TTLL4: variants seen among roughly 807,000 people sequenced by gnomAD.
TTLL4 encodes the protein tubulin monoglutamylase TTLL4.
In TTLL4, 85 loss-of-function variants were observed where a neutral mutation model predicts 122.7. The ratio of observed to expected loss-of-function variants is 0.69; its 90% confidence interval spans 0.58 to 0.83. The LOEUF (loss-of-function observed/expected upper bound fraction) is 0.83, where lower values mean the gene tolerates loss of function less well. Ranked by LOEUF, TTLL4 falls within the 40% of genes least tolerant of loss-of-function variation. TTLL4 has a pLI of 0.00. For missense variants in TTLL4, 1,363 were observed against 1,488.6 expected, an observed-to-expected ratio of 0.92 and a Z score of 1.39; for synonymous variants, 553 against 563.0, an observed-to-expected ratio of 0.98 and a Z score of 0.25.
Position 218,738,525 on chromosome 2 carries a change from C to G in TTLL4, c.849C>G (p.Ala283=), listed in dbSNP as rs745766414. 3 of 1,614,032 alleles carry G rather than the reference C, an allele frequency of 1.9e-6. No homozygotes were observed. The highest frequency in any genetic ancestry group is 2.5e-6 in the Non-Finnish European group (3 of 1,180,036). ...GCACTGTCCCAGCTGATGCCAGTGC[C>G]CATATCGCCTTGTCTACCGCTAGCT... The part of the protein sequence containing the change: ...SIGTVPADAS[A]HIALSTASSH... The change falls in exon 3 of 20, where the codon GCC becomes GCG. Residue 283 remains alanine (A), a synonymous_variant. Coordinates refer to ENST00000392102, the MANE Select transcript of TTLL4 (RefSeq NM_014640.5).
At chr2:218,745,884 G>A (rs975448359) in intron 7 of TTLL4, 83 bp downstream of exon 7, 113 of 1,315,426 alleles carry the variant, frequency 8.6e-5, no homozygotes, top group Non-Finnish European at 1.2e-4. Flanking sequence ...TAGACACCTC[G>A]TGCCTATGTC....
intron 1 of TTLL4, among the ~76,000 whole-genome samples, chr2:218,712,164 A>G (rs1047450110): frequency 2.6e-5 from 4 of 152,192 alleles, no homozygotes; most frequent in Non-Finnish European, 5.9e-5. Context: ...ACAGTTTGAC[A>G]GACCTGGGCT....
In TTLL4 at chr2:218,753,162, G is replaced by A; in HGVS notation, c.3235G>A (p.Val1079Ile). 3 of 1,614,222 alleles carry A rather than the reference G, an allele frequency of 1.9e-6. No individual in the cohort carries two copies. Among genetic ancestry groups the A allele is most frequent in the Non-Finnish European group, 2.5e-6 (3 of 1,180,032 alleles). The change falls in exon 18 of 20, where the codon GTT becomes ATT. Residue 1079 changes from valine (V) to isoleucine (I), a missense_variant. Val to Ile is a conservative substitution (Grantham distance 29, BLOSUM62 3). Around this residue, in one of 3 missense-constraint regions of TTLL4, gnomAD observed 596 missense variants for 655.8 expected, o/e 0.91. Transcript: ENST00000392102. ...SWCYKGFHMG[V>I]VSDSAPVWSL... ...GTGCTACAAAGGGTTCCACATGGGAGTTGTCTCTGATTCTGCTCCAGTGGT... is the reference window on the plus strand; with the variant it reads ...GTGCTACAAAGGGTTCCACATGGGAATTGTCTCTGATTCTGCTCCAGTGGT...
intron 1 of TTLL4, among the ~76,000 whole-genome samples, chr2:218,724,789 A>G (rs1942140414): frequency 6.6e-6 from 1 of 151,976 alleles, no homozygotes. Flanking sequence ...TTTTTCTAGT[A>G]GTATGGTTTA....
At chr2:218,711,922 C>T (rs1941718969) in intron 1 of TTLL4, among the ~76,000 whole-genome samples, 1 of 141,628 alleles carries the variant, frequency 7.1e-6, no homozygotes, top group Admixed American at 7.4e-5. Context: ...TTTGGGGGAC[C>T]CTTTGGGACA....
At chr2:218,733,501 ACCT>A (rs1942435574) in intron 2 of TTLL4, among the ~76,000 whole-genome samples, 2 of 152,032 alleles carry the variant, frequency 1.3e-5, no homozygotes, top group African/African-American at 4.8e-5. Flanking sequence ...TGATCCAGTC[ACCT>A]CCTCCAACAT....
At chr2:218,745,264 G>T in intron 6 of TTLL4, 31 bp downstream of exon 6, 4 of 1,613,414 alleles carry the variant, frequency 2.5e-6, no homozygotes, top group Non-Finnish European at 3.4e-6. Flanking sequence ...AAGCCCAGAA[G>T]AGCCCCCGGG....
In TTLL4 at chr2:218,754,361, G is replaced by A. The variant is rs754492685; in HGVS notation, c.3572G>A (p.Ser1191Asn). 4 of 1,614,196 alleles carry A rather than the reference G, an allele frequency of 2.5e-6. No homozygotes were observed. The highest frequency in any genetic ancestry group is 3.4e-6 in the Non-Finnish European group (4 of 1,180,040). Residue 1191 changes from serine (S) to asparagine (N), a missense_variant, in exon 20 of 20, where the codon AGT becomes AAT. Physicochemically the swap from Ser to Asn is conservative, Grantham distance 46 (BLOSUM62 1). Coordinates refer to ENST00000392102, the MANE Select transcript of TTLL4 (RefSeq NM_014640.5). ...GCTTCCTCCACTTTCCAGTCAATCA[G>A]TGACTCCCTCCTGGCTGTGAGCCCA... ...LSASSTFQSI[S>N]DSLLAVSP
chr2:218,756,031 G>C (rs1943145152), downstream of TTLL4, among the ~76,000 whole-genome samples: 1 of 152,150 alleles, frequency 6.6e-6, no homozygotes, highest in Non-Finnish European at 1.5e-5. Context: ...ACTCCTATTG[G>C]ATCTTTTCTG....
intron 5 of TTLL4, among the ~76,000 whole-genome samples, chr2:218,742,503 T>C (rs149829886): frequency 1.4e-3 from 207 of 152,266 alleles, no homozygotes; most frequent in Admixed American, 2.9e-3. Flanking sequence ...ATTTTAGAGA[T>C]GGAAGCCATC....
Position 218,747,322 on chromosome 2 carries a change from T to A in TTLL4, c.2199T>A (p.Val733=). The A allele has an allele frequency of 2.5e-6, 4 of 1,614,182 alleles. No individual in the cohort carries two copies. The highest frequency in any genetic ancestry group is 3.4e-6 in the Non-Finnish European group (4 of 1,180,028). ...PASARGIGIQ[V]IHKWSQLPKR... is the part of the protein sequence containing the mutation. ...CAGCTCGAGGCATTGGCATCCAGGT[T>A]ATTCACAAGTGGAGTCAGCTCCCCA... is the stretch of plus-strand genomic sequence containing the variant. The change falls in exon 10 of 20, where the codon GTT becomes GTA. Residue 733 remains valine, a synonymous_variant. Transcript: ENST00000392102. The surrounding 1 kb of genome is among the most constrained non-coding windows in gnomAD (Gnocchi z 4.7).
chr2:218,728,944 C>CGG (rs57886887), intron 2 of TTLL4, among the ~76,000 whole-genome samples: 6 of 108,644 alleles, frequency 5.5e-5, no homozygotes, highest in African/African-American at 1.8e-4. Flanking sequence ...TTTTTTTTGG[C>CGG]GGGGGGGGGC....
intron 2 of TTLL4, among the ~76,000 whole-genome samples, chr2:218,733,484 G>A (rs948442194): frequency 2.6e-5 from 4 of 152,100 alleles, no homozygotes; most frequent in African/African-American, 4.8e-5. Flanking sequence ...GGGGAAATCC[G>A]CCTCCATGAT....
chr2:218,739,460 G>T (rs556343160), intron 3 of TTLL4, among the ~76,000 whole-genome samples: 3 of 152,312 alleles, frequency 2.0e-5, no homozygotes, highest in Non-Finnish European at 4.4e-5. Context: ...AAACCGACTG[G>T]CCTGCAAACA....
intron 2 of TTLL4, among the ~76,000 whole-genome samples, chr2:218,730,357 A>AAAAAAAAG (rs1942344003): frequency 7.0e-6 from 1 of 142,762 alleles, no homozygotes; most frequent in African/African-American, 2.6e-5. Context: ...AAAGAAAAAA[A>AAAAAAAAG]ATTAGCTGGG....
At chr2:218,721,081 C>T (rs1297251062) in intron 1 of TTLL4, among the ~76,000 whole-genome samples, 1 of 152,154 alleles carries the variant, frequency 6.6e-6, no homozygotes, top group Non-Finnish European at 1.5e-5. Flanking sequence ...CATCCCTTGC[C>T]CTATGCATCA....
chr2:218,755,800 T>C (rs1943140716), downstream of TTLL4, among the ~76,000 whole-genome samples: 1 of 152,142 alleles, frequency 6.6e-6, no homozygotes, highest in African/African-American at 2.4e-5. Context: ...TAGAGACTTC[T>C]GTGTTTCATG....
At position 218,737,568 on chromosome 2, in the gene TTLL4, C is replaced by T; in HGVS notation, c.-98-11C>T. Reference sequence around the variant, plus strand: ...CACTGTAACATTTCCTATCATTTCTCTCCACTTCAGACTGACAGACTTCAA... The same window carrying T: ...CACTGTAACATTTCCTATCATTTCTTTCCACTTCAGACTGACAGACTTCAA... On this transcript the variant is annotated splice_polypyrimidine_tract_variant and intron_variant, in intron 2 of 19. Transcript: ENST00000392102. 5 of 1,282,148 alleles carry T rather than the reference C, an allele frequency of 3.9e-6. No individual in the cohort carries two copies. Among genetic ancestry groups the T allele is most frequent in the Non-Finnish European group, 5.4e-6 (5 of 924,920 alleles). 79.4% of individuals were successfully genotyped at this position (1,282,148 alleles called of 1,614,324 possible). A position where few individuals can be genotyped will look rare whatever the true frequency, so the allele number is the denominator to read the frequency against.
chr2:218,746,191 T>C lies in TTLL4; in HGVS notation c.1934T>C (p.Met645Thr). 2 of 1,614,024 alleles carry C rather than the reference T, an allele frequency of 1.2e-6. No individual in the cohort carries two copies. Among genetic ancestry groups the C allele is most frequent in the Admixed American group, 1.7e-5 (1 of 60,006 alleles). The change falls in exon 8 of 20, where the codon ATG (methionine) becomes ACG (threonine). Residue 645 changes from methionine to threonine, a missense_variant. By Grantham distance (81) the Met-to-Thr change is moderately conservative. This residue lies in a region of TTLL4 where 760 missense variants were observed against 808.4 expected (regional missense o/e 0.94). Transcript: ENST00000392102. ...TGGCTGGGCTGCTGGGGTCACCACA[T>C]GAAGTCTCCTAGTTTCCGATCCATT... ...DDWLGCWGHH[M>T]KSPSFRSIRE...
Sources: gnomAD v4.1 joint callset for allele counts (sites outside exome capture counted in the v4.1 genomes callset) on GRCh38, gnomAD v4.1.1 for gene constraint, gnomAD v4.1.1 regional missense constraint, Gnocchi (gnomAD v3.1) non-coding constraint, MANE v1.5 for transcripts, NCBI Gene and HGNC (gene_info 2026-07-23, HGNC 2026-07-21) for gene names.